The following DYM variants were observed in gnomAD, a reference collection of about 807,000 sequenced individuals.
The protein encoded by DYM is dyggve-Melchior-Clausen syndrome protein.
DYM carries 78 observed loss-of-function variants against 93.1 expected under a neutral mutation model. The observed-to-expected ratio is 0.84, with a 90% CI of 0.70 to 1.01. The LOEUF (loss-of-function observed/expected upper bound fraction) is 1.01. Among genes scored for constraint, DYM ranks in the 50% least tolerant of loss-of-function variants. The pLI is 0.00. For missense variants in DYM, 789 were observed against 845.0 expected, an observed-to-expected ratio of 0.93 and a Z score of 0.82; for synonymous variants, 321 against 319.7, an observed-to-expected ratio of 1.00 and a Z score of -0.04.
At chr18:49,068,975 T>C (rs953050591) in intron 17 of DYM, among the ~76,000 whole-genome samples, 1 of 152,218 alleles carries the variant, frequency 6.6e-6, no homozygotes, top group South Asian at 2.1e-4. Context: ...AGTTTTTGCT[T>C]ATTGTGAGAA....
intron 5 of DYM, among the ~76,000 whole-genome samples, chr18:49,364,822 A>T (rs919559796): frequency 1.3e-5 from 2 of 152,094 alleles, no homozygotes; most frequent in African/African-American, 4.8e-5. Flanking sequence ...GCCTCCAACA[A>T]TAAAAACCTA....
chr18:49,281,302 A>C (rs2094969233), intron 10 of DYM, among the ~76,000 whole-genome samples: 1 of 152,248 alleles, frequency 6.6e-6, no homozygotes, highest in Admixed American at 6.5e-5. Flanking sequence ...GTCAGGAAAC[A>C]ACAGGTGCTG....
At chr18:49,153,248 T>C (rs1437247483) in intron 15 of DYM, among the ~76,000 whole-genome samples, 1 of 152,220 alleles carries the variant, frequency 6.6e-6, no homozygotes, top group Non-Finnish European at 1.5e-5. Context: ...TTATTTATTA[T>C]GACTCATAAA....
chr18:49,113,475 T>C (rs1376352702), intron 16 of DYM, among the ~76,000 whole-genome samples: 1 of 152,226 alleles, frequency 6.6e-6, no homozygotes, highest in African/African-American at 2.4e-5. Context: ...TAATTCCTTC[T>C]GCAGACGTTA....
chr18:49,408,061 C>G (rs978739851), intron 2 of DYM, among the ~76,000 whole-genome samples: 2 of 70,846 alleles, frequency 2.8e-5, no homozygotes, highest in African/African-American at 8.8e-5. Flanking sequence ...AAGACCTCAT[C>G]TCAAAAAAAA....
intron 14 of DYM, among the ~76,000 whole-genome samples, chr18:49,197,907 G>C (rs1178230797): frequency 1.3e-5 from 2 of 152,166 alleles, no homozygotes; most frequent in East Asian, 3.8e-4. Flanking sequence ...AACCAAAAAA[G>C]AGCCCGCATC....
intron 10 of DYM, among the ~76,000 whole-genome samples, chr18:49,276,699 G>A (rs1362878494): frequency 2.0e-5 from 3 of 152,156 alleles, no homozygotes; most frequent in African/African-American, 7.2e-5. Context: ...AAATTATAAA[G>A]TGTCTTGTTA....
intron 15 of DYM, among the ~76,000 whole-genome samples, chr18:49,144,026 C>T (rs2084817709): frequency 6.6e-6 from 1 of 152,104 alleles, no homozygotes; most frequent in Non-Finnish European, 1.5e-5. Context: ...CTGAAAATTA[C>T]CACATATCCA....
At chr18:49,248,131 G>T (rs1467376360) in intron 13 of DYM, among the ~76,000 whole-genome samples, 3 of 152,190 alleles carry the variant, frequency 2.0e-5, no homozygotes, top group Non-Finnish European at 4.4e-5. Flanking sequence ...ACATTTAAGA[G>T]AAGTATTTAT....
chr18:49,395,447 T>A (rs2069941167), intron 2 of DYM, among the ~76,000 whole-genome samples: 1 of 151,860 alleles, frequency 6.6e-6, no homozygotes, highest in African/African-American at 2.4e-5. Context: ...CTGACCAACA[T>A]GGAGAAACCC....
chr18:49,105,115 A>C lies in DYM; in HGVS notation c.1912-7600T>G, dbSNP rs544358939. Among the ~76,000 whole-genome samples, 367 of 152,218 alleles carry C rather than the reference A, an allele frequency of 2.4e-3. 1 individual carries two copies. The highest frequency in any genetic ancestry group is 8.4e-3 in the African/African-American group (347 of 41,532). The stretch of plus-strand genomic sequence containing the variant: ...TGTTATTGGTCTATTCAGAGATTCA[A>C]CTTCTTCCTGGTTTAGTCTTGGGAG... On this transcript the variant is annotated intron_variant, in intron 16 of 17. Coordinates refer to ENST00000675505, the MANE Select transcript of DYM (RefSeq NM_001353214.3).
At chr18:49,452,259 G>T (rs2082584478) in intron 1 of DYM, among the ~76,000 whole-genome samples, 1 of 152,198 alleles carries the variant, frequency 6.6e-6, no homozygotes, top group Non-Finnish European at 1.5e-5. Flanking sequence ...GAGTGTTACA[G>T]CTCATAAAGG....
intron 14 of DYM, among the ~76,000 whole-genome samples, chr18:49,208,975 T>C (rs1186823335): frequency 6.6e-6 from 1 of 152,222 alleles, no homozygotes; most frequent in African/African-American, 2.4e-5. Flanking sequence ...CTGACCCCCA[T>C]TATGTTTAAT....
chr18:49,079,404 T>A lies in DYM; in HGVS notation c.2025+17998A>T, dbSNP rs546721296. Among the ~76,000 whole-genome samples the A allele has an allele frequency of 1.1e-4, 16 of 151,624 alleles. 1 individual carries two copies. The highest frequency in any genetic ancestry group is 3.9e-4 in the Admixed American group (6 of 15,258). Reference sequence around the variant, plus strand: ...ACATTGTAGAGATTCTTTTTTTTTTTTTTTATTTTTATTTTTTTTATTGAT... The same window carrying A: ...ACATTGTAGAGATTCTTTTTTTTTTATTTTATTTTTATTTTTTTTATTGAT... On this transcript the variant is annotated intron_variant, in intron 17 of 17. Coordinates refer to ENST00000675505, the MANE Select transcript of DYM (RefSeq NM_001353214.3).
chr18:49,046,277 C>T (rs1354278435), intron 17 of DYM, among the ~76,000 whole-genome samples: 1 of 128,362 alleles, frequency 7.8e-6, no homozygotes, highest in East Asian at 2.2e-4. Flanking sequence ...TACACAGACA[C>T]AGACAACACA....
At chr18:49,163,658 T>A (rs1403422023) in intron 15 of DYM, 27 bp downstream of exon 15, 1 of 1,545,438 alleles carries the variant, frequency 6.5e-7, no homozygotes, top group East Asian at 2.3e-5. Context: ...GGAAAATTTT[T>A]TATTGATGAA....
chr18:49,044,305 C>G (rs1197272098), intron 17 of DYM, 101 bp from the exon 18 acceptor site: 1 of 1,281,806 alleles, frequency 7.8e-7, no homozygotes, highest in Non-Finnish European at 1.1e-6. Context: ...GGAGCCCACC[C>G]ACCCCTGCCA....
chr18:49,341,757 G>A (rs2064172995), intron 6 of DYM, among the ~76,000 whole-genome samples: 1 of 152,100 alleles, frequency 6.6e-6, no homozygotes, highest in African/African-American at 2.4e-5. Flanking sequence ...ATGAGTTTGG[G>A]GAAGTCAGGA....
chr18:49,336,214 T>A (rs2063661245), intron 6 of DYM, among the ~76,000 whole-genome samples: 1 of 152,230 alleles, frequency 6.6e-6, no homozygotes, highest in Admixed American at 6.5e-5. Flanking sequence ...CAAATTGTTT[T>A]ACTAAATTGT....
Sources: gnomAD v4.1 joint callset for allele counts (sites outside exome capture counted in the v4.1 genomes callset) on GRCh38, gnomAD v4.1.1 for gene constraint, MANE v1.5 for transcripts, NCBI Gene and HGNC (gene_info 2026-07-23, HGNC 2026-07-21) for gene names.